The following IL1RAPL1 variants were observed in gnomAD, a reference collection of about 807,000 sequenced individuals.
IL1RAPL1 encodes the protein interleukin 1 receptor accessory protein like 1.
IL1RAPL1 carries 3 observed loss-of-function variants against 48.4 expected under a neutral mutation model. That is an observed-to-expected ratio of 0.06 (90% CI 0.03 to 0.16). The LOEUF is 0.16. Ranked by LOEUF, IL1RAPL1 falls within the 10% of genes least tolerant of loss-of-function variation. The pLI is 1.00. For missense variants in IL1RAPL1, 349 were observed against 530.6 expected (o/e 0.66, Z 3.36); for synonymous variants, 185 against 187.7 (o/e 0.99, Z 0.12).
At chrX:28,914,105 C>T (rs1238277514) in intron 2 of IL1RAPL1, among the ~76,000 whole-genome samples, 2 of 110,999 alleles carry the variant, frequency 1.8e-5, no homozygotes. Flanking sequence ...TCAAAAATTT[C>T]AATATTTCTA....
intron 2 of IL1RAPL1, among the ~76,000 whole-genome samples, chrX:29,126,418 G>T: frequency 1.8e-5 from 2 of 112,019 alleles, no homozygotes; most frequent in Non-Finnish European, 3.8e-5. Flanking sequence ...TGGGAGTTAC[G>T]CTCTCACATA....
intron 3 of IL1RAPL1, among the ~76,000 whole-genome samples, chrX:29,348,968 C>G (rs759108470): frequency 1.8e-5 from 2 of 111,711 alleles, no homozygotes; most frequent in East Asian, 5.6e-4. Flanking sequence ...CCCGTGGCCC[C>G]CTGGAGGTTA....
rs56826606 is a variant in IL1RAPL1, at chrX:28,962,882, ATGTGTGTGTGTG to A, written c.82+173479_82+173490del. On this transcript the variant is annotated intron_variant, in intron 2 of 10. Transcript: ENST00000378993. The stretch of plus-strand genomic sequence containing the variant: ...GAGAGATGATTGTGTGTCTGTGTGT[ATGTGTGTGTGTG>A]TGTGTGTGTGTGTGTGTGTGTATGA... 3.0e-3 allele frequency among the ~76,000 whole-genome samples: 289 copies of A among 96,022 alleles called. 2 individuals are homozygous for A. Among genetic ancestry groups the A allele is most frequent in the African/African-American group, 0.011 (283 of 26,575 alleles). The allele number at this position is 96,022 out of a possible 115,157, so 83.4% of individuals were successfully genotyped here.
At chrX:28,628,875 A>T (rs1934370132) in intron 1 of IL1RAPL1, among the ~76,000 whole-genome samples, 1 of 112,143 alleles carries the variant, frequency 8.9e-6, no homozygotes, top group Admixed American at 9.5e-5. Flanking sequence ...ATTAAGTTGC[A>T]GTTTAGCCTT....
At chrX:29,112,793 G>GTTT (rs774106013) in intron 2 of IL1RAPL1, among the ~76,000 whole-genome samples, 19 of 71,277 alleles carry the variant, frequency 2.7e-4, no homozygotes, top group African/African-American at 5.4e-4. Context: ...GTCAACTTTG[G>GTTT]TTTTTTTTTT....
chrX:28,697,774 T>C (rs138638892), intron 1 of IL1RAPL1, among the ~76,000 whole-genome samples: 3,490 of 110,554 alleles, frequency 0.032, 84 homozygotes, highest in African/African-American at 0.082. Context: ...AGCATAGGGG[T>C]GGGGGAAGCA....
At chrX:28,926,510 AC>A (rs1286879345) in intron 2 of IL1RAPL1, among the ~76,000 whole-genome samples, 3 of 111,539 alleles carry the variant, frequency 2.7e-5, no homozygotes, top group African/African-American at 6.5e-5. Context: ...GAAAAAAAAA[AC>A]ATATATAGTT....
chrX:29,802,946 T>C (rs1317516190), intron 6 of IL1RAPL1, among the ~76,000 whole-genome samples: 4 of 68,512 alleles, frequency 5.8e-5, no homozygotes, highest in African/African-American at 1.7e-4. Flanking sequence ...TACATATGTA[T>C]GCATATATGT....
At chrX:28,901,076 G>A (rs373572069) in intron 2 of IL1RAPL1, among the ~76,000 whole-genome samples, 12 of 111,673 alleles carry the variant, frequency 1.1e-4, no homozygotes, top group African/African-American at 3.9e-4. Flanking sequence ...ATTGAATATT[G>A]GAATTATAGC....
chrX:28,834,477 G>A (rs1206929528), intron 2 of IL1RAPL1, among the ~76,000 whole-genome samples: 2 of 110,443 alleles, frequency 1.8e-5, no homozygotes, highest in Non-Finnish European at 3.8e-5. Flanking sequence ...TTTCAAAAGG[G>A]GCATGAAGTT....
intron 6 of IL1RAPL1, among the ~76,000 whole-genome samples, chrX:29,867,363 T>A (rs1385155847): frequency 9.0e-6 from 1 of 111,603 alleles, no homozygotes; most frequent in Non-Finnish European, 1.9e-5. Flanking sequence ...AAACGGGGCC[T>A]TTTGGAGGTG....
intron 1 of IL1RAPL1, among the ~76,000 whole-genome samples, chrX:28,674,936 G>T (rs1264420708): frequency 6.3e-5 from 7 of 111,718 alleles, no homozygotes; most frequent in Non-Finnish European, 1.3e-4. Context: ...TAGACACTGT[G>T]CCTGGCAATA....
chrX:29,149,245 T>C (rs1602081864), intron 2 of IL1RAPL1, among the ~76,000 whole-genome samples: 1 of 110,782 alleles, frequency 9.0e-6, no homozygotes, highest in East Asian at 2.9e-4. Flanking sequence ...CTAATATATA[T>C]TATTTATCTA....
intron 5 of IL1RAPL1, among the ~76,000 whole-genome samples, chrX:29,433,414 C>T (rs1330705988): frequency 9.0e-6 from 1 of 111,183 alleles, no homozygotes; most frequent in African/African-American, 3.3e-5. Flanking sequence ...CTGTGACATA[C>T]ATTCTTCCTT....
intron 1 of IL1RAPL1, among the ~76,000 whole-genome samples, chrX:28,707,004 C>A (rs1935381934): frequency 8.9e-6 from 1 of 112,045 alleles, no homozygotes; most frequent in Admixed American, 9.5e-5. Context: ...CTACGTTAGC[C>A]TCAATGTATA....
intron 6 of IL1RAPL1, among the ~76,000 whole-genome samples, chrX:29,674,916 G>A (rs1926233928): frequency 2.7e-5 from 3 of 112,115 alleles, no homozygotes; most frequent in South Asian, 3.7e-4. Flanking sequence ...TTTTATGGCC[G>A]CATGGCATTC....
intron 3 of IL1RAPL1, among the ~76,000 whole-genome samples, chrX:29,366,006 A>T (rs1933448128): frequency 9.4e-6 from 1 of 106,453 alleles, no homozygotes; most frequent in Non-Finnish European, 1.9e-5. Context: ...GAGCCACTGC[A>T]CTACACACTC....
At chrX:28,601,257 A>T (rs1934022207) in intron 1 of IL1RAPL1, among the ~76,000 whole-genome samples, 1 of 110,669 alleles carries the variant, frequency 9.0e-6, no homozygotes, top group South Asian at 3.9e-4. Flanking sequence ...TGTCTTTACT[A>T]AAAAAATACA....
At chrX:29,119,695 G>A (rs1928744059) in intron 2 of IL1RAPL1, among the ~76,000 whole-genome samples, 1 of 111,142 alleles carries the variant, frequency 9.0e-6, no homozygotes, top group Non-Finnish European at 1.9e-5. Flanking sequence ...AAAACTACAG[G>A]ACAGCCCAGT....
Sources: allele counts gnomAD v4.1 joint callset (sites outside exome capture counted in the v4.1 genomes callset), GRCh38; gene constraint gnomAD v4.1.1; transcripts MANE v1.5; gene names NCBI Gene and HGNC (gene_info 2026-07-23, HGNC 2026-07-21).